The following IMMT variants were observed in gnomAD, a reference collection of about 807,000 sequenced individuals.
IMMT encodes inner membrane mitochondrial protein, also known as MICOS complex subunit MIC60.
In IMMT, 40 loss-of-function variants were observed where a neutral mutation model predicts 92.7. The ratio of observed to expected loss-of-function variants is 0.43; its 90% CI spans 0.34 to 0.56. IMMT has a LOEUF of 0.56. Among genes scored for constraint, IMMT ranks in the 20% least tolerant of loss-of-function variants. The pLI is 0.03. For synonymous variants in IMMT, 322 were observed against 336.1 expected, an observed-to-expected ratio of 0.96 and a Z score of 0.46; for missense variants, 831 against 912.1, an observed-to-expected ratio of 0.91 and a Z score of 1.14.
intron 1 of IMMT, among the ~76,000 whole-genome samples, 181 bp downstream of exon 1, chr2:86,195,157 T>G (rs1023908104): frequency 6.6e-6 from 1 of 152,114 alleles, no homozygotes; most frequent in African/African-American, 2.4e-5. Flanking sequence ...TAACCTCAAG[T>G]CATCCCAGTC....
intron 1 of IMMT, among the ~76,000 whole-genome samples, chr2:86,184,318 A>G (rs1672614704): frequency 6.6e-6 from 1 of 152,080 alleles, no homozygotes; most frequent in South Asian, 2.1e-4. Context: ...CTACAGGCAC[A>G]TGCCCACCAT....
intron 11 of IMMT, 67 bp from the exon 12 acceptor site, chr2:86,151,587 T>C: frequency 8.9e-7 from 1 of 1,123,232 alleles, no homozygotes. Flanking sequence ...CAAGGTAATC[T>C]GCATCAACTG....
intron 8 of IMMT, 72 bp downstream of exon 8, chr2:86,161,904 T>A (rs977645291): frequency 2.2e-6 from 2 of 916,362 alleles, no homozygotes; most frequent in Non-Finnish European, 3.5e-6. Flanking sequence ...ATACAGACAA[T>A]ACAAAGAAAA....
At chr2:86,194,318 G>C (rs1673380534) in intron 1 of IMMT, among the ~76,000 whole-genome samples, 1 of 152,236 alleles carries the variant, frequency 6.6e-6, no homozygotes, top group South Asian at 2.1e-4. Flanking sequence ...GTCATTCATG[G>C]GTGTTGTTTT....
intron 8 of IMMT, among the ~76,000 whole-genome samples, chr2:86,160,717 C>T (rs1444723712): frequency 3.3e-5 from 5 of 152,172 alleles, no homozygotes; most frequent in Non-Finnish European, 7.3e-5. Context: ...GGCATGCTTG[C>T]TCAATCCTAG....
At chr2:86,172,381 T>G (rs1396975856) in intron 4 of IMMT, among the ~76,000 whole-genome samples, 1 of 152,114 alleles carries the variant, frequency 6.6e-6, no homozygotes, top group Non-Finnish European at 1.5e-5. Context: ...TCTTGCCCTG[T>G]CACCCAGGCT....
In IMMT at chr2:86,166,517, G is replaced by A; in HGVS notation, c.783C>T (p.Asp261=). ...CATTCATTGGGCTCACCTCAGAATT[G>A]TCCATGGCGGCTTTCAATATGTTGG... The part of the protein sequence containing the change: ...AHSNILKAAM[D]NSEIAGEKKS... Residue 261 remains aspartate (D), a synonymous_variant, in exon 7 of 15, where the codon GAC becomes GAT. Coordinates refer to ENST00000410111, the MANE Select transcript of IMMT (RefSeq NM_006839.3). 6.2e-7 allele frequency: 1 copy of A among 1,610,570 alleles called. No individual in the cohort carries two copies. Among genetic ancestry groups the A allele is most frequent in the South Asian group, 1.1e-5 (1 of 90,540 alleles).
chr2:86,180,856 C>T (rs1227799200), intron 2 of IMMT, among the ~76,000 whole-genome samples: 1 of 151,568 alleles, frequency 6.6e-6, no homozygotes, highest in East Asian at 2.0e-4. Flanking sequence ...CACTGCACTC[C>T]AGCCTGGGCA....
intron 3 of IMMT, among the ~76,000 whole-genome samples, chr2:86,178,481 C>T (rs1334869576): frequency 6.6e-6 from 1 of 151,770 alleles, no homozygotes; most frequent in African/African-American, 2.4e-5. Context: ...AAAAAATTAG[C>T]CGGGTGTGGT....
intron 10 of IMMT, among the ~76,000 whole-genome samples, chr2:86,154,106 T>C (rs1675679394): frequency 6.6e-6 from 1 of 152,044 alleles, no homozygotes; most frequent in South Asian, 2.1e-4. Context: ...TCAAGCGATC[T>C]GCCTTCCTCA....
chr2:86,169,442 C>A (rs1676938223), intron 6 of IMMT, among the ~76,000 whole-genome samples: 1 of 152,068 alleles, frequency 6.6e-6, no homozygotes, highest in Non-Finnish European at 1.5e-5. Flanking sequence ...CAGAATGACA[C>A]CTATGCTATT....
chr2:86,149,832 A>G (rs1675327488), intron 12 of IMMT, among the ~76,000 whole-genome samples: 1 of 149,978 alleles, frequency 6.7e-6, no homozygotes, highest in Admixed American at 6.7e-5. Flanking sequence ...ATGAGCCAAG[A>G]TTGCACTACT....
chr2:86,158,346 C>G (rs943325841), intron 10 of IMMT: 4 of 297,404 alleles, frequency 1.3e-5, no homozygotes, highest in African/African-American at 2.1e-5. Flanking sequence ...AATATCAGAA[C>G]AGAACCAATC....
At chr2:86,144,920 C>T (rs755007927) in intron 14 of IMMT, 39 bp from the exon 15 acceptor site, 67 of 1,547,320 alleles carry the variant, frequency 4.3e-5, no homozygotes, top group Non-Finnish European at 5.5e-5. Flanking sequence ...ATTTTTCTCT[C>T]CATCTGACAA....
Position 86,194,497 on chromosome 2 carries a change from G to A in IMMT, c.45+841C>T, listed in dbSNP as rs148868313. Among the ~76,000 whole-genome samples, 479 of 152,226 alleles carry A rather than the reference G, an allele frequency of 3.1e-3. 4 individuals are homozygous for A. Among genetic ancestry groups the A allele is most frequent in the African/African-American group, 0.011 (467 of 41,528 alleles). ...ATGATCTCTAACTCACTATTCCTAG[G>A]GATTCTGTTCAATTACTGCTTGAGT... On this transcript the variant is annotated intron_variant, in intron 1 of 14. Transcript: ENST00000410111.
intron 3 of IMMT, among the ~76,000 whole-genome samples, chr2:86,177,401 A>G (rs1292392542): frequency 6.6e-6 from 1 of 151,916 alleles, no homozygotes; most frequent in Admixed American, 6.6e-5. Flanking sequence ...TCAGGAGTTT[A>G]AGACCAGCCT....
intron 3 of IMMT, among the ~76,000 whole-genome samples, chr2:86,175,228 T>C (rs531691446): frequency 1.3e-5 from 2 of 152,308 alleles, no homozygotes; most frequent in African/African-American, 4.8e-5. Flanking sequence ...AGTAGTCTTG[T>C]ACATCATTAA....
At position 86,146,238 on chromosome 2, in the gene IMMT, C is replaced by CA. The variant is rs746311647; in HGVS notation, c.1534-42dup. ...AATAGTTCCAGAAAAAAGTGATACT[C>CA]AATGCATGTCATGTAACTGTGTAAT... On this transcript the variant is annotated intron_variant, in intron 13 of 14. Transcript: ENST00000410111. The CA allele has an allele frequency of 3.2e-6, 5 of 1,565,090 alleles. No individual in the cohort carries two copies. In the African/African-American group the frequency reaches 6.7e-5, roughly 21 times the overall value.
At chr2:86,148,835 A>G (rs977785144) in intron 12 of IMMT, among the ~76,000 whole-genome samples, 1 of 151,220 alleles carries the variant, frequency 6.6e-6, no homozygotes, top group African/African-American at 2.4e-5. Flanking sequence ...TTTCTCAGAA[A>G]CAATATAATA....
Sources: allele counts gnomAD v4.1 joint callset (sites outside exome capture counted in the v4.1 genomes callset), GRCh38; gene constraint gnomAD v4.1.1; transcripts MANE v1.5; gene names NCBI Gene and HGNC (gene_info 2026-07-23, HGNC 2026-07-21).